Variants in MEN1 observed in about 807,000 individuals in gnomAD.
MEN1 encodes the protein menin 1.
A neutral mutation model predicts 58.0 loss-of-function variants in MEN1; 6 were observed. That is an observed-to-expected ratio of 0.10 (90% confidence interval 0.06 to 0.20). The LOEUF is 0.20. MEN1 is among the 10% of genes least tolerant of loss of function. MEN1 has a pLI of 1.00. For missense variants in MEN1, 492 were observed against 818.5 expected (o/e 0.60, Z 4.87); for synonymous variants, 346 against 350.7 (o/e 0.99, Z 0.15).
At chr11:64,808,278 C>T (rs1195128918) in intron 2 of MEN1, among the ~76,000 whole-genome samples, 179 bp from the exon 3 acceptor site, 1 of 152,218 alleles carries the variant, frequency 6.6e-6, no homozygotes, top group Admixed American at 6.5e-5. Flanking sequence ...GACTCTCTCC[C>T]TGTTTACACC....
At chr11:64,810,331 C>A (rs1446433459) in intron 1 of MEN1, 183 bp downstream of exon 1, 4 of 586,774 alleles carry the variant, frequency 6.8e-6, no homozygotes, top group Non-Finnish European at 1.2e-5. Flanking sequence ...TTGTCCCCCA[C>A]AATTCCGGGA....
chr11:64,804,339 G>C lies in MEN1; in HGVS notation c.1828C>G (p.Leu610Val). Residue 610 changes from leucine to valine, a missense_variant, in exon 10 of 10, where the codon CTC becomes GTC. Physicochemically the swap from Leu to Val is conservative, Grantham distance 32. Around this residue, in one of 5 missense-constraint regions of MEN1, gnomAD observed 24 missense variants for 72.4 expected, o/e 0.33. Coordinates refer to ENST00000450708, the MANE Select transcript of MEN1 (RefSeq NM_001370259.2). The surrounding 1 kb of genome is among the most constrained non-coding windows in gnomAD (Gnocchi z 4.2). ...LSFLKRQRKG[L>V] is the part of the protein sequence containing the mutation. ...GGTCCGAAGTCCCCAGTAGTTCAGA[G>C]GCCTTTGCGCTGCCGCTTGAGGAAA... The C allele has an allele frequency of 1.2e-6, 2 of 1,614,204 alleles. No homozygotes were observed. The highest frequency in any genetic ancestry group is 1.7e-6 in the Non-Finnish European group (2 of 1,180,038).
At position 64,804,889 on chromosome 11, in the gene MEN1, GCCATC is replaced by G; in HGVS notation, c.1351-78_1351-74del. 6.3e-7 allele frequency: 1 copy of G among 1,595,998 alleles called. No individual in the cohort carries two copies. Among genetic ancestry groups the G allele is most frequent in the Non-Finnish European group, 8.5e-7 (1 of 1,178,490 alleles). On this transcript the variant is annotated intron_variant, in intron 9 of 9. Coordinates refer to ENST00000450708, the MANE Select transcript of MEN1 (RefSeq NM_001370259.2). The surrounding 1 kb of genome is among the most constrained non-coding windows in gnomAD (Gnocchi z 4.2). ...GCTGGAACTCCAGGACCCTGCTCTG[GCCATC>G]CCATCCCACCCAGGGGGTCTCAGTC...
chr11:64,810,249 C>T (rs1942041842), intron 1 of MEN1, 117 bp from the exon 2 acceptor site: 1 of 655,216 alleles, frequency 1.5e-6, no homozygotes, highest in Non-Finnish European at 2.6e-6. Context: ...CTTCCCCACC[C>T]TCTTCAGCCT....
chr11:64,804,485 A>G lies in MEN1; in HGVS notation c.1682T>C (p.Met561Thr), dbSNP rs1941501393. ...CTTGGTGGCCACCAGCAGCTCCTTC[A>G]TGCCCTTCATCTTCTCACTCTGGAA... ...LTFQSEKMKG[M>T]KELLVATKIN... is the part of the protein sequence containing the mutation. The change falls in exon 10 of 10, where the codon ATG becomes ACG. Residue 561 changes from methionine to threonine, a missense_variant. This residue lies in a region of MEN1 where 24 missense variants were observed against 72.4 expected (regional missense o/e 0.33). Transcript: ENST00000450708. This position sits in a 1 kb window ranked among gnomAD's most constrained non-coding sequence, Gnocchi z 4.2. 6.2e-7 allele frequency: 1 copy of G among 1,614,110 alleles called. No individual in the cohort carries two copies. Among genetic ancestry groups the G allele is most frequent in the Non-Finnish European group, 8.5e-7 (1 of 1,180,026 alleles).
Position 64,806,376 on chromosome 11 carries a change from G to A in MEN1, c.913-8C>T, listed in dbSNP as rs373893527. 3.7e-6 allele frequency: 6 copies of A among 1,614,136 alleles called. No homozygotes were observed. The African/African-American group carries it at 8.0e-5, about 22-fold the overall frequency. The stretch of plus-strand genomic sequence containing the variant: ...CTTGGCTGAGGCAATGCCCTGGATG[G>A]AGGTGAGGCAGAGGATCCTCAGGGA... On this transcript the variant is annotated splice_polypyrimidine_tract_variant and splice_region_variant and intron_variant, in intron 6 of 9. Transcript: ENST00000450708.
rs749089411 is a variant in MEN1, at chr11:64,807,076, G to A, written c.847C>T (p.Leu283=). The part of the protein sequence containing the change: ...LERYPMALGN[L]ADLEELEPTP... The stretch of plus-strand genomic sequence containing the variant: ...GGCTCCAGCTCCTCTAGATCTGCCA[G>A]GTTCCCTAAGGCCATGGGGTACCTA... The change falls in exon 6 of 10, where the codon CTG becomes TTG. Residue 283 remains leucine, a synonymous_variant. Transcript: ENST00000450708. The surrounding 1 kb of genome is among the most constrained non-coding windows in gnomAD (Gnocchi z 4.9). 4 of 1,614,072 alleles carry A rather than the reference G, an allele frequency of 2.5e-6. No homozygotes were observed. In the South Asian group the frequency reaches 4.4e-5, roughly 18 times the overall value.
intron 8 of MEN1, 82 bp downstream of exon 8, chr11:64,805,553 G>A (rs564571161): frequency 2.1e-5 from 33 of 1,554,934 alleles, no homozygotes; most frequent in South Asian, 7.9e-5. Context: ...CCCTAATCCC[G>A]TACATGCAGC....
At position 64,807,176 on chromosome 11, in the gene MEN1, G is replaced by A. The variant is rs1941790535; in HGVS notation, c.824+3C>T. The A allele has an allele frequency of 6.2e-7, 1 of 1,613,992 alleles. No homozygotes were observed. Among genetic ancestry groups the A allele is most frequent in the South Asian group, 1.1e-5 (1 of 91,036 alleles). ...CGCAGCCTGGCCACTTCCCTCTACT[G>A]ACCTTTCCAGATGTCCCAGGTCATA... is the stretch of plus-strand genomic sequence containing the variant. On this transcript the variant is annotated splice_donor_region_variant and intron_variant, in intron 5 of 9. Transcript: ENST00000450708. The surrounding 1 kb of genome is among the most constrained non-coding windows in gnomAD (Gnocchi z 4.9).
Position 64,807,493 on chromosome 11 carries a change from G to A in MEN1, c.783+59C>T. Reference sequence around the variant, plus strand: ...GGAAGGGAAAGTGCCCCTGCCCAGGGTCCCACAGCAAGTCAAGTCTGGCCT... The same window carrying A: ...GGAAGGGAAAGTGCCCCTGCCCAGGATCCCACAGCAAGTCAAGTCTGGCCT... On this transcript the variant is annotated intron_variant, in intron 4 of 9. Transcript: ENST00000450708. This position sits in a 1 kb window ranked among gnomAD's most constrained non-coding sequence, Gnocchi z 4.9. The A allele has an allele frequency of 1.3e-6, 2 of 1,589,310 alleles. No individual in the cohort carries two copies. The highest frequency in any genetic ancestry group is 2.2e-5 in the South Asian group (2 of 90,254).
rs2136182121 is a variant in MEN1, at chr11:64,809,754, T to A, written c.356A>T (p.Lys119Met). 1 of 1,614,166 alleles carries A rather than the reference T, an allele frequency of 6.2e-7. No homozygotes were observed. The highest frequency in any genetic ancestry group is 8.5e-7 in the Non-Finnish European group (1 of 1,180,022). ...GTTCCATATGACATCGGAGACCTTC[T>A]TCACCAGCTCACGGCTGGAGACACC... ...EGGVSSRELV[K>M]KVSDVIWNSL... The change falls in exon 2 of 10, where the codon AAG becomes ATG. Residue 119 changes from lysine (K) to methionine (M), a missense_variant. This residue lies in a region of MEN1 where 335 missense variants were observed against 550.3 expected (regional missense o/e 0.61). Transcript: ENST00000450708.
In MEN1 at chr11:64,805,697, G is replaced by C. The variant is rs1211957325; in HGVS notation, c.1123C>G (p.Leu375Val). The change falls in exon 8 of 10, where the codon CTG (leucine) becomes GTG (valine). Residue 375 changes from leucine (L) to valine (V), a missense_variant. Around this residue, in one of 5 missense-constraint regions of MEN1, gnomAD observed 335 missense variants for 550.3 expected, o/e 0.61. Coordinates refer to ENST00000450708, the MANE Select transcript of MEN1 (RefSeq NM_001370259.2). ...AGCAAGCTGGCTGCCTCCTTCAGCA[G>C]GTTGGGGATGACATCATTGGCTACT... The part of the protein sequence containing the change: ...FEVANDVIPN[L>V]LKEAASLLEA... The C allele has an allele frequency of 3.7e-6, 6 of 1,614,208 alleles. No homozygotes were observed. Among genetic ancestry groups the C allele is most frequent in the Non-Finnish European group, 8.5e-7 (1 of 1,180,020 alleles).
In MEN1 at chr11:64,805,821, G is replaced by A. The variant is rs777707655; in HGVS notation, c.1050-51C>T. ...GGGTCTGAAGGGGTCTCACCATCGGGGGTAGCCCCAGGGACCTGGCGGGGG... is the reference window on the plus strand; with the variant it reads ...GGGTCTGAAGGGGTCTCACCATCGGAGGTAGCCCCAGGGACCTGGCGGGGG... On this transcript the variant is annotated intron_variant, in intron 7 of 9. Coordinates refer to ENST00000450708, the MANE Select transcript of MEN1 (RefSeq NM_001370259.2). 6.8e-6 allele frequency: 11 copies of A among 1,610,794 alleles called. No homozygotes were observed. In the South Asian group the frequency reaches 1.2e-4, roughly 18 times the overall value.
intron 2 of MEN1, 84 bp from the exon 3 acceptor site, chr11:64,808,183 C>G (rs1477190133): frequency 7.8e-6 from 10 of 1,278,368 alleles, no homozygotes; most frequent in Non-Finnish European, 1.1e-5. Context: ...GCCACACTCC[C>G]TCCCACTCCC....
chr11:64,807,467 A>G lies in MEN1; in HGVS notation c.783+85T>C, dbSNP rs1941810557. 6.9e-6 allele frequency: 10 copies of G among 1,443,230 alleles called. No homozygotes were observed. Among genetic ancestry groups the G allele is most frequent in the Non-Finnish European group, 9.7e-6 (10 of 1,034,058 alleles). 89.4% of individuals were successfully genotyped at this position (1,443,230 alleles called of 1,614,324 possible). The stretch of plus-strand genomic sequence containing the variant: ...TTTCCAGGAGGGGAAGCTGAAGCTC[A>G]GGAAGGGAAAGTGCCCCTGCCCAGG... On this transcript the variant is annotated intron_variant, in intron 4 of 9. Coordinates refer to ENST00000450708, the MANE Select transcript of MEN1 (RefSeq NM_001370259.2). This position sits in a 1 kb window ranked among gnomAD's most constrained non-coding sequence, Gnocchi z 4.9.
intron 2 of MEN1, among the ~76,000 whole-genome samples, chr11:64,808,992 G>A (rs981897839): frequency 6.1e-5 from 9 of 147,348 alleles, no homozygotes; most frequent in Non-Finnish European, 1.3e-4. Flanking sequence ...ACCAGTTGCG[G>A]TGGCTCACAC....
chr11:64,809,960 G>A lies in MEN1; in HGVS notation c.150C>T (p.Val50=), dbSNP rs2136192168. The change falls in exon 2 of 10, where the codon GTC becomes GTT. Residue 50 remains valine (V), a synonymous_variant. Transcript: ENST00000450708. ...VLGFVEHFLA[V]NRVIPTNVPE... ...GAACGTTGGTAGGGATGACGCGGTT[G>A]ACAGCCAGAAAATGCTCCACGAAGC... 1 of 1,587,200 alleles carries A rather than the reference G, an allele frequency of 6.3e-7. No individual in the cohort carries two copies. The highest frequency in any genetic ancestry group is 8.6e-7 in the Non-Finnish European group (1 of 1,166,904).
chr11:64,809,549 G>A, intron 2 of MEN1, 116 bp downstream of exon 2: 2 of 1,333,748 alleles, frequency 1.5e-6, no homozygotes, highest in African/African-American at 1.5e-5. Flanking sequence ...CTGCAAAGAG[G>A]AAAATAACAC....
chr11:64,806,426 A>G, intron 6 of MEN1, 58 bp from the exon 7 acceptor site: 1 of 1,607,202 alleles, frequency 6.2e-7, no homozygotes, highest in East Asian at 2.2e-5. Flanking sequence ...CCCTGCTGGC[A>G]CAAATGCCCC....
Sources: gnomAD v4.1 joint callset for allele counts (sites outside exome capture counted in the v4.1 genomes callset) on GRCh38, gnomAD v4.1.1 for gene constraint, gnomAD v4.1.1 regional missense constraint, Gnocchi (gnomAD v3.1) non-coding constraint, MANE v1.5 for transcripts, NCBI Gene and HGNC (gene_info 2026-07-23, HGNC 2026-07-21) for gene names.